PLAGL2: variants seen among roughly 807,000 people sequenced by gnomAD.
PLAGL2 encodes PLAG1 like zinc finger 2.
PLAGL2 carries 7 observed loss-of-function variants against 29.0 expected under a neutral mutation model. The observed-to-expected ratio is 0.24, with a 90% CI of 0.14 to 0.45. The LOEUF is 0.45. Among genes scored for constraint, PLAGL2 ranks in the 20% least tolerant of loss-of-function variants. The probability of loss-of-function intolerance (pLI) is 0.99; values close to 1 mark genes in which losing one functional copy is unlikely to be tolerated. For synonymous variants in PLAGL2, 234 were observed against 266.0 expected (o/e 0.88, Z 1.17); for missense variants, 454 against 648.2 (o/e 0.70, Z 3.25).
chr20:32,207,641 C>T lies in PLAGL2; in HGVS notation c.-115G>A, dbSNP rs2047297316. 1.2e-5 allele frequency: 2 copies of T among 173,136 alleles called. No homozygotes were observed. The highest frequency in any genetic ancestry group is 2.4e-5 in the Non-Finnish European group (2 of 82,812). 10.7% of individuals were successfully genotyped at this position (173,136 alleles called of 1,614,324 possible). On this transcript the variant is annotated splice_region_variant and 5_prime_UTR_variant, in exon 1 of 3. Coordinates refer to ENST00000246229, the MANE Select transcript of PLAGL2 (RefSeq NM_002657.3). The stretch of plus-strand genomic sequence containing the variant: ...CCCTGGGGCCCTCGCCGGCACTCAC[C>T]GCGCTCGGGGCCCCACGCTGCGGGC...
intron 2 of PLAGL2, 151 bp downstream of exon 2, chr20:32,201,768 G>A: frequency 1.6e-6 from 1 of 637,510 alleles, no homozygotes; most frequent in Non-Finnish European, 2.7e-6. Context: ...TTTAGTGAGT[G>A]ACTTCAACTG....
chr20:32,207,684 C>T lies in PLAGL2; in HGVS notation c.-158G>A, dbSNP rs1443820238. The T allele has an allele frequency of 4.3e-6, 1 of 232,942 alleles. No individual in the cohort carries two copies. The highest frequency in any genetic ancestry group is 7.8e-6 in the Non-Finnish European group (1 of 128,444). 14.4% of individuals were successfully genotyped at this position (232,942 alleles called of 1,614,324 possible). A position where few individuals can be genotyped will look rare whatever the true frequency, so the allele number is the denominator to read the frequency against. On this transcript the variant is annotated 5_prime_UTR_variant, in exon 1 of 3. Transcript: ENST00000246229. Reference sequence around the variant, plus strand: ...CTGCGGGCCGGGCCGCGCTCGGGCTCCGCCAGGCCCCCTCAGGCCCCGGTA... The same window carrying T: ...CTGCGGGCCGGGCCGCGCTCGGGCTTCGCCAGGCCCCCTCAGGCCCCGGTA...
rs1247874255 is a variant in PLAGL2 at position 32,195,671 on chromosome 20, T to A, written c.*781A>T. The A allele has an allele frequency of 6.6e-6, 1 of 152,604 alleles. No individual in the cohort carries two copies. The highest frequency in any genetic ancestry group is 1.5e-5 in the Non-Finnish European group (1 of 68,066). 9.5% of individuals were successfully genotyped at this position (152,604 alleles called of 1,614,324 possible). A position where few individuals can be genotyped will look rare whatever the true frequency, so the allele number is the denominator to read the frequency against. Reference sequence around the variant, plus strand: ...CACGGGGGAAAAATGTGACCTCAAATGAAGAGAAGTCAGCAAGCCCCGACT... The same window carrying A: ...CACGGGGGAAAAATGTGACCTCAAAAGAAGAGAAGTCAGCAAGCCCCGACT... On this transcript the variant is annotated 3_prime_UTR_variant, in exon 3 of 3. Coordinates refer to ENST00000246229, the MANE Select transcript of PLAGL2 (RefSeq NM_002657.3).
rs767926965 is a variant in PLAGL2 at position 32,197,042 on chromosome 20, G to A, written c.901C>T (p.His301Tyr). The A allele has an allele frequency of 6.2e-7, 1 of 1,614,166 alleles. No homozygotes were observed. The highest frequency in any genetic ancestry group is 8.5e-7 in the Non-Finnish European group (1 of 1,180,004). The stretch of plus-strand genomic sequence containing the variant: ...CCCGTGCTGGGCATGGTAGGGATGT[G>A]GGCACCATACATGCCCATGGGCAAC... Reference protein sequence around the residue: ...GMLPMGMYGAHIPTMPSTGVP... With the variant: ...GMLPMGMYGAYIPTMPSTGVP... The change falls in exon 3 of 3, where the codon CAC becomes TAC. Residue 301 changes from histidine to tyrosine, a missense_variant. His to Tyr is a moderately conservative substitution (Grantham distance 83, BLOSUM62 2). Coordinates refer to ENST00000246229, the MANE Select transcript of PLAGL2 (RefSeq NM_002657.3). The surrounding 1 kb of genome is among the most constrained non-coding windows in gnomAD (Gnocchi z 6.6).
chr20:32,196,563 G>T lies in PLAGL2; in HGVS notation c.1380C>A (p.Ser460=). ...LTTLQAQPQD[S]PGAGGPLNFG... ...AGTTCAGTGGTCCCCCAGCTCCTGG[G>T]GAATCTTGAGGCTGAGCTTGCAAAG... Residue 460 remains serine, a synonymous_variant, in exon 3 of 3, where the codon TCC becomes TCA. Transcript: ENST00000246229. 2 of 1,544,192 alleles carry T rather than the reference G, an allele frequency of 1.3e-6. No homozygotes were observed. Among genetic ancestry groups the T allele is most frequent in the Non-Finnish European group, 1.7e-6 (2 of 1,150,404 alleles).
At chr20:32,204,738 A>G (rs2047277284) in intron 1 of PLAGL2, among the ~76,000 whole-genome samples, 1 of 152,210 alleles carries the variant, frequency 6.6e-6, no homozygotes, top group African/African-American at 2.4e-5. Context: ...TGTCTTACAT[A>G]AGCAGAAGGC....
rs1453673388 is a variant in PLAGL2, at chr20:32,195,806, T to C, written c.*646A>G. 6.5e-6 allele frequency: 1 copy of C among 152,784 alleles called. No individual in the cohort carries two copies. The highest frequency in any genetic ancestry group is 1.5e-5 in the Non-Finnish European group (1 of 68,128). The allele number at this position is 152,784 out of a possible 1,614,324, so 9.5% of individuals were successfully genotyped here. On this transcript the variant is annotated 3_prime_UTR_variant, in exon 3 of 3. Coordinates refer to ENST00000246229, the MANE Select transcript of PLAGL2 (RefSeq NM_002657.3). The stretch of plus-strand genomic sequence containing the variant: ...TTCACGGTGTGTAAACAGTGTTCAC[T>C]GCAATCACTCTAAGGCTAACAGCTT...
At chr20:32,207,129 C>T (rs2047292730) in intron 1 of PLAGL2, among the ~76,000 whole-genome samples, 1 of 152,084 alleles carries the variant, frequency 6.6e-6, no homozygotes, top group Non-Finnish European at 1.5e-5. Flanking sequence ...TTCGACTTCT[C>T]CAGACCCAGA....
Position 32,201,948 on chromosome 20 carries a change from C to T in PLAGL2, c.231G>A (p.Lys77=). The change falls in exon 2 of 3, where the codon AAG becomes AAA. Residue 77 remains lysine, a synonymous_variant. Transcript: ENST00000246229. ...ACAGCTTGTATTTGGAAGCAAAAGCCTTGCCACAGTGCAGCTGAGGGCAGC... is the reference window on the plus strand; with the variant it reads ...ACAGCTTGTATTTGGAAGCAAAAGCTTTGCCACAGTGCAGCTGAGGGCAGC... The part of the protein sequence containing the change: ...PYSCPQLHCG[K]AFASKYKLYR... 2 of 1,614,196 alleles carry T rather than the reference C, an allele frequency of 1.2e-6. No individual in the cohort carries two copies. The highest frequency in any genetic ancestry group is 1.7e-6 in the Non-Finnish European group (2 of 1,180,008).
chr20:32,197,244 G>A lies in PLAGL2; in HGVS notation c.699C>T (p.His233=). 1 of 1,614,122 alleles carries A rather than the reference G, an allele frequency of 6.2e-7. No individual in the cohort carries two copies. The highest frequency in any genetic ancestry group is 1.7e-4 in the Middle Eastern group (1 of 6,038). ...YCAQRFGRKD[H]LTRHVKKSHS... ...GGCTCTTCTTGACATGACGCGTCAGGTGGTCCTTACGGCCAAACCGCTGGG... is the reference window on the plus strand; with the variant it reads ...GGCTCTTCTTGACATGACGCGTCAGATGGTCCTTACGGCCAAACCGCTGGG... Residue 233 remains histidine (H), a synonymous_variant, in exon 3 of 3, where the codon CAC becomes CAT. Coordinates refer to ENST00000246229, the MANE Select transcript of PLAGL2 (RefSeq NM_002657.3). The surrounding 1 kb of genome is among the most constrained non-coding windows in gnomAD (Gnocchi z 6.6).
At chr20:32,198,227 G>T (rs1488111162) in intron 2 of PLAGL2, among the ~76,000 whole-genome samples, 1 of 152,174 alleles carries the variant, frequency 6.6e-6, no homozygotes, top group Non-Finnish European at 1.5e-5. Context: ...GTGTCATGGA[G>T]AATTTTCATC....
At chr20:32,201,234 C>G (rs765643705) in intron 2 of PLAGL2, among the ~76,000 whole-genome samples, 1 of 152,128 alleles carries the variant, frequency 6.6e-6, no homozygotes, top group Non-Finnish European at 1.5e-5. Context: ...TGATTCCTAA[C>G]TTCTAGCTAA....
At chr20:32,198,391 A>G (rs574020282) in intron 2 of PLAGL2, among the ~76,000 whole-genome samples, 14 of 152,382 alleles carry the variant, frequency 9.2e-5, no homozygotes, top group African/African-American at 3.4e-4. Flanking sequence ...CTGTAATCAC[A>G]GCACTATGGG....
In PLAGL2 at chr20:32,197,329, T is replaced by G; in HGVS notation, c.614A>C (p.Asp205Ala). The G allele has an allele frequency of 6.2e-7, 1 of 1,601,520 alleles. No individual in the cohort carries two copies. The highest frequency in any genetic ancestry group is 8.5e-7 in the Non-Finnish European group (1 of 1,172,700). Residue 205 changes from aspartate (D) to alanine (A), a missense_variant, in exon 3 of 3, where the codon GAT becomes GCT. Asp to Ala is a moderately radical substitution (Grantham distance 126, BLOSUM62 -2). Coordinates refer to ENST00000246229, the MANE Select transcript of PLAGL2 (RefSeq NM_002657.3). This position sits in a 1 kb window ranked among gnomAD's most constrained non-coding sequence, Gnocchi z 6.6. ...GTGCACCACTAGGTGCCGCCGTACATCCTTACGAGTATAGAACCGCCGGTC... is the reference window on the plus strand; with the variant it reads ...GTGCACCACTAGGTGCCGCCGTACAGCCTTACGAGTATAGAACCGCCGGTC... Reference protein sequence around the residue: ...HCDRRFYTRKDVRRHLVVHTG... With the variant: ...HCDRRFYTRKAVRRHLVVHTG...
chr20:32,202,153 G>C lies in PLAGL2; in HGVS notation c.26C>G (p.Pro9Arg). 6.2e-7 allele frequency: 1 copy of C among 1,614,164 alleles called. No homozygotes were observed. Among genetic ancestry groups the C allele is most frequent in the East Asian group, 2.2e-5 (1 of 44,886 alleles). MTTFFTSV[P>R]PWIQDAKQEE... Reference sequence around the variant, plus strand: ...CTGCTTTGCATCTTGAATCCAGGGGGGGACGCTGGTGAAAAATGTGGTCAT... The same window carrying C: ...CTGCTTTGCATCTTGAATCCAGGGGCGGACGCTGGTGAAAAATGTGGTCAT... The change falls in exon 2 of 3, where the codon CCC becomes CGC. Residue 9 changes from proline (P) to arginine (R), a missense_variant. By Grantham distance (103) the Pro-to-Arg change is moderately radical (BLOSUM62 -2). This residue lies in a region of PLAGL2 where 89 missense variants were observed against 90.4 expected (regional missense o/e 0.98). Coordinates refer to ENST00000246229, the MANE Select transcript of PLAGL2 (RefSeq NM_002657.3).
chr20:32,205,016 G>T (rs1331795274), intron 1 of PLAGL2, among the ~76,000 whole-genome samples: 1 of 152,146 alleles, frequency 6.6e-6, no homozygotes, highest in African/African-American at 2.4e-5. Flanking sequence ...TTACTGGCTG[G>T]GAAACCATAG....
intron 2 of PLAGL2, among the ~76,000 whole-genome samples, chr20:32,199,040 A>G (rs1203401807): frequency 1.3e-5 from 2 of 152,200 alleles, no homozygotes; most frequent in African/African-American, 2.4e-5. Flanking sequence ...TTCAGAATCA[A>G]CTCAGCACCC....
Position 32,196,312 on chromosome 20 carries a change from T to A in PLAGL2, c.*140A>T, listed in dbSNP as rs2047227516. The A allele has an allele frequency of 7.9e-6, 4 of 506,164 alleles. No homozygotes were observed. The East Asian group carries it at 1.3e-4, about 17-fold the overall frequency. 31.4% of individuals were successfully genotyped at this position (506,164 alleles called of 1,614,324 possible). A position where few individuals can be genotyped will look rare whatever the true frequency, so the allele number is the denominator to read the frequency against. Reference sequence around the variant, plus strand: ...CTAGAGCCTGAACCCCCAAACCAAGTGCTCCTGTATACAGACACTGGAATT... The same window carrying A: ...CTAGAGCCTGAACCCCCAAACCAAGAGCTCCTGTATACAGACACTGGAATT... On this transcript the variant is annotated 3_prime_UTR_variant, in exon 3 of 3. Coordinates refer to ENST00000246229, the MANE Select transcript of PLAGL2 (RefSeq NM_002657.3).
At chr20:32,199,049 C>G (rs2047244763) in intron 2 of PLAGL2, among the ~76,000 whole-genome samples, 1 of 152,150 alleles carries the variant, frequency 6.6e-6, no homozygotes, top group African/African-American at 2.4e-5. Flanking sequence ...AACTCAGCAC[C>G]CACTGTTTGC....
Sources: gnomAD v4.1 joint callset for allele counts (sites outside exome capture counted in the v4.1 genomes callset) on GRCh38, gnomAD v4.1.1 for gene constraint, gnomAD v4.1.1 regional missense constraint, Gnocchi (gnomAD v3.1) non-coding constraint, MANE v1.5 for transcripts, NCBI Gene and HGNC (gene_info 2026-07-23, HGNC 2026-07-21) for gene names.